Variants in MIDEAS observed in about 807,000 individuals in gnomAD.
MIDEAS encodes the protein mitotic deacetylase associated SANT domain protein.
Under a neutral mutation model 102.7 loss-of-function variants are expected in MIDEAS, and 26 were observed. The observed-to-expected ratio is 0.25, with a 90% CI of 0.19 to 0.35. MIDEAS has a LOEUF of 0.35. MIDEAS is among the 10% of genes least tolerant of loss of function. The probability of loss-of-function intolerance (pLI) is 1.00; values close to 1 mark genes in which losing one functional copy is unlikely to be tolerated. For synonymous variants in MIDEAS, 585 were observed against 591.0 expected (o/e 0.99, Z 0.15); for missense variants, 1,231 against 1,435.6 (o/e 0.86, Z 2.30).
At chr14:73,779,760 G>A (rs42979) in intron 1 of MIDEAS, among the ~76,000 whole-genome samples, 10 of 137,184 alleles carry the variant, frequency 7.3e-5, no homozygotes, top group Non-Finnish European at 3.1e-5. Flanking sequence ...TGTATTTTTA[G>A]TAGAGACGGG....
chr14:73,773,368 A>G (rs1236209862), intron 1 of MIDEAS, among the ~76,000 whole-genome samples: 1 of 151,852 alleles, frequency 6.6e-6, no homozygotes, highest in East Asian at 1.9e-4. Context: ...AGGAGGACAG[A>G]GAGGTGTGGG....
At chr14:73,770,983 A>C (rs2053637433) in intron 1 of MIDEAS, among the ~76,000 whole-genome samples, 1 of 152,136 alleles carries the variant, frequency 6.6e-6, no homozygotes. Context: ...GTAGGGCGTG[A>C]AGATGAGGTT....
At chr14:73,745,306 C>T (rs2053337640) in intron 1 of MIDEAS, among the ~76,000 whole-genome samples, 1 of 152,254 alleles carries the variant, frequency 6.6e-6, no homozygotes, top group Non-Finnish European at 1.5e-5. Context: ...TGCTGCCCCA[C>T]AACACATGCA....
At position 73,715,233 on chromosome 14, in the gene MIDEAS, TTAA is replaced by T. The variant is rs1362202022; in HGVS notation, c.*3607_*3609del. 6.5e-6 allele frequency: 1 copy of T among 152,678 alleles called. No homozygotes were observed. The highest frequency in any genetic ancestry group is 1.5e-5 in the Non-Finnish European group (1 of 68,046). The allele number at this position is 152,678 out of a possible 1,614,324, so 9.5% of individuals were successfully genotyped here. ...CACATCAGCAAGATTCTTTAGTGTA[TTAA>T]TTTTTTTCTTATAAAAAGCACACAA... On this transcript the variant is annotated 3_prime_UTR_variant, in exon 13 of 13. Coordinates refer to ENST00000423556, the MANE Select transcript of MIDEAS (RefSeq NM_001367710.1).
chr14:73,772,582 G>T (rs1201552911), intron 1 of MIDEAS, among the ~76,000 whole-genome samples: 1 of 151,410 alleles, frequency 6.6e-6, no homozygotes, highest in African/African-American at 2.4e-5. Flanking sequence ...TACAGTTTTG[G>T]TTTTGTTTTT....
chr14:73,763,523 T>C (rs2053569933), upstream of MIDEAS, among the ~76,000 whole-genome samples: 1 of 152,158 alleles, frequency 6.6e-6, no homozygotes, highest in Non-Finnish European at 1.5e-5. Flanking sequence ...CCAGGCTCCA[T>C]ACCTGCATTG....
Position 73,740,021 on chromosome 14 carries a change from T to G in MIDEAS, c.-13A>C. ...CCTGGAGGTTCATGATGTGGCCAAC[T>G]GAGCCCTGGCGGTGAGATCCCCTTC... On this transcript the variant is annotated 5_prime_UTR_variant, in exon 2 of 13. Transcript: ENST00000423556. The G allele has an allele frequency of 6.8e-7, 1 of 1,474,674 alleles. No individual in the cohort carries two copies. The highest frequency in any genetic ancestry group is 1.5e-5 in the South Asian group (1 of 67,196). The allele number at this position is 1,474,674 out of a possible 1,614,324, so 91.3% of individuals were successfully genotyped here. A position where few individuals can be genotyped will look rare whatever the true frequency, so the allele number is the denominator to read the frequency against.
rs753893525 is a variant in MIDEAS, at chr14:73,730,004, C to T, written c.1750-19G>A. On this transcript the variant is annotated intron_variant, in intron 3 of 12. Transcript: ENST00000423556. Reference sequence around the variant, plus strand: ...CCTCTGCCTGGAGAAGGAAAGAAAACAAGGACGGCTCAGCCCCCCGTGTCC... The same window carrying T: ...CCTCTGCCTGGAGAAGGAAAGAAAATAAGGACGGCTCAGCCCCCCGTGTCC... 2 of 1,603,604 alleles carry T rather than the reference C, an allele frequency of 1.2e-6. No individual in the cohort carries two copies. Among genetic ancestry groups the T allele is most frequent in the Non-Finnish European group, 1.7e-6 (2 of 1,173,040 alleles).
At position 73,737,515 on chromosome 14, in the gene MIDEAS, A is replaced by C. The variant is rs559326643; in HGVS notation, c.1450-218T>G. 3.9e-5 allele frequency among the ~76,000 whole-genome samples: 6 copies of C among 152,250 alleles called. No homozygotes were observed. In the South Asian group the frequency reaches 1.2e-3, roughly 32 times the overall value. On this transcript the variant is annotated intron_variant, in intron 2 of 12. Coordinates refer to ENST00000423556, the MANE Select transcript of MIDEAS (RefSeq NM_001367710.1). ...GTGGCAAACTCCTGTGGTCCCAGCT[A>C]CTTGGGAGGCAGAGGTGGGAGGATT...
At position 73,727,053 on chromosome 14, in the gene MIDEAS, GA is replaced by G. The variant is rs2053071010; in HGVS notation, c.2163-82del. The stretch of plus-strand genomic sequence containing the variant: ...TGATGATCCCTCAGGGTGGGAAGAA[GA>G]TGAGGGGGAGCCGGCAGAGCAAGGC... On this transcript the variant is annotated intron_variant, in intron 5 of 12. Transcript: ENST00000423556. 5 of 1,503,844 alleles carry G rather than the reference GA, an allele frequency of 3.3e-6. No homozygotes were observed. The East Asian group carries it at 1.2e-4, about 35-fold the overall frequency. The allele number at this position is 1,503,844 out of a possible 1,614,324, so 93.2% of individuals were successfully genotyped here.
intron 1 of MIDEAS, among the ~76,000 whole-genome samples, chr14:73,777,634 C>A (rs2140174906): frequency 6.6e-6 from 1 of 152,128 alleles, no homozygotes; most frequent in South Asian, 2.1e-4. Context: ...AATGCCCTGA[C>A]TCCTTTTGCC....
chr14:73,787,129 G>A (rs2053820537), exon 1 of MIDEAS: 1 of 149,672 alleles, frequency 6.7e-6, no homozygotes, highest in South Asian at 2.1e-4. Context: ...GGGCTGCTCG[G>A]AGGGGTGCGG....
intron 1 of MIDEAS, among the ~76,000 whole-genome samples, chr14:73,767,285 A>G (rs1470203683): frequency 6.6e-6 from 1 of 152,222 alleles, no homozygotes; most frequent in Non-Finnish European, 1.5e-5. Flanking sequence ...CCTGCACTGC[A>G]AAGCCCACAG....
rs2052869126 is a variant in MIDEAS, at chr14:73,715,379, C to T, written c.*3464G>A. 1 of 152,602 alleles carries T rather than the reference C, an allele frequency of 6.6e-6. No homozygotes were observed. Among genetic ancestry groups the T allele is most frequent in the African/African-American group, 2.4e-5 (1 of 41,456 alleles). The allele number at this position is 152,602 out of a possible 1,614,324, so 9.5% of individuals were successfully genotyped here. ...AAAAGGATGCCACAGGCAGCAAACA[C>T]ACAAAAGGCAGTGTCTGATCATTTT... On this transcript the variant is annotated 3_prime_UTR_variant, in exon 13 of 13. Transcript: ENST00000423556.
At chr14:73,780,892 C>G (rs1414230060) in intron 1 of MIDEAS, among the ~76,000 whole-genome samples, 1 of 152,060 alleles carries the variant, frequency 6.6e-6, no homozygotes, top group Non-Finnish European at 1.5e-5. Flanking sequence ...AATACGCATC[C>G]CACTCTCTTC....
chr14:73,744,006 A>G (rs1331708427), intron 1 of MIDEAS, among the ~76,000 whole-genome samples: 2 of 151,440 alleles, frequency 1.3e-5, no homozygotes, highest in Non-Finnish European at 2.9e-5. Flanking sequence ...AGGAAGTTCT[A>G]TGGTGAGTAG....
chr14:73,766,318 C>G (rs1361781665), intron 1 of MIDEAS, among the ~76,000 whole-genome samples: 1 of 152,236 alleles, frequency 6.6e-6, no homozygotes, highest in East Asian at 1.9e-4. Context: ...AGTGCCTGCA[C>G]ATGGTGGGTG....
At chr14:73,721,813 T>C (rs924546725) in intron 10 of MIDEAS, among the ~76,000 whole-genome samples, 8 of 152,156 alleles carry the variant, frequency 5.3e-5, no homozygotes, top group African/African-American at 9.7e-5. Context: ...TCGGCAATGA[T>C]GTGGTGAGCC....
intron 1 of MIDEAS, among the ~76,000 whole-genome samples, chr14:73,778,852 T>C (rs1374927462): frequency 6.6e-6 from 1 of 152,060 alleles, no homozygotes; most frequent in Non-Finnish European, 1.5e-5. Flanking sequence ...CATCGCACTC[T>C]GCCCATTTAG....
Sources: gnomAD v4.1 joint callset for allele counts (sites outside exome capture counted in the v4.1 genomes callset) on GRCh38, gnomAD v4.1.1 for gene constraint, MANE v1.5 for transcripts, NCBI Gene and HGNC (gene_info 2026-07-23, HGNC 2026-07-21) for gene names.